The following MCF2L variants were observed in gnomAD, a reference collection of about 807,000 sequenced individuals.
MCF2L encodes MCF.2 cell line derived transforming sequence like.
Under a neutral mutation model 153.4 loss-of-function variants are expected in MCF2L, and 97 were observed. The observed-to-expected ratio is 0.63, with a 90% CI of 0.54 to 0.75. MCF2L has a LOEUF of 0.75. Ranked by LOEUF, MCF2L falls within the 30% of genes least tolerant of loss-of-function variation. MCF2L has a pLI of 0.00. For synonymous variants in MCF2L, 659 were observed against 632.2 expected, an observed-to-expected ratio of 1.04 and a Z score of -0.64; for missense variants, 1,347 against 1,495.2, an observed-to-expected ratio of 0.90 and a Z score of 1.64.
chr13:113,096,950 C>T lies in MCF2L; in HGVS notation c.*91C>T. On this transcript the variant is annotated 3_prime_UTR_variant, in exon 30 of 30. Transcript: ENST00000535094. ...CCCGGACGCCCCGAGGAAGGGGCAC[C>T]TCACCGCCCCCACCCAGAGCGCCTG... 1 of 923,958 alleles carries T rather than the reference C, an allele frequency of 1.1e-6. No individual in the cohort carries two copies. Among genetic ancestry groups the T allele is most frequent in the Non-Finnish European group, 1.5e-6 (1 of 688,208 alleles). 57.2% of individuals were successfully genotyped at this position (923,958 alleles called of 1,614,324 possible).
Position 113,010,719 on chromosome 13 carries a change from G to A in MCF2L, c.80-4044G>A, listed in dbSNP as rs532179104. On this transcript the variant is annotated intron_variant, in intron 1 of 29. Coordinates refer to ENST00000535094, the MANE Select transcript of MCF2L (RefSeq NM_001112732.3). The stretch of plus-strand genomic sequence containing the variant: ...GCCCTAACCCTCCCCTCTCAGACCT[G>A]CCTCTGAGCAGTGGGGTCATCACTG... Among the ~76,000 whole-genome samples the A allele has an allele frequency of 1.4e-3, 214 of 151,818 alleles. 1 individual carries two copies. The highest frequency in any genetic ancestry group is 2.4e-3 in the Non-Finnish European group (161 of 68,014).
intron 3 of MCF2L, chr13:113,044,841 C>T (rs1566790888): frequency 1.9e-6 from 3 of 1,612,926 alleles, no homozygotes; most frequent in Non-Finnish European, 2.5e-6. Context: ...CGAGTGAATC[C>T]TTAACGTGGA....
Position 113,025,526 on chromosome 13 carries a change from C to T in MCF2L, c.278+768C>T, listed in dbSNP as rs111247839. 2.2e-4 allele frequency among the ~76,000 whole-genome samples: 6 copies of T among 27,546 alleles called. 1 individual carries two copies. Among genetic ancestry groups the T allele is most frequent in the Admixed American group, 3.5e-4 (1 of 2,850 alleles). The allele number at this position is 27,546 out of a possible 152,430, so 18.1% of individuals were successfully genotyped here. A position where few individuals can be genotyped will look rare whatever the true frequency, so the allele number is the denominator to read the frequency against. On this transcript the variant is annotated intron_variant, in intron 3 of 29. Coordinates refer to ENST00000535094, the MANE Select transcript of MCF2L (RefSeq NM_001112732.3). ...CAGAGTCTCTGTGAGGTTTCATCAT[C>T]GTGGGGTCCCCGTGACTGTGGGTTG... is the stretch of plus-strand genomic sequence containing the variant.
intron 4 of MCF2L, among the ~76,000 whole-genome samples, chr13:113,050,187 T>C (rs9577446): frequency 2.0e-5 from 3 of 151,650 alleles, no homozygotes; most frequent in East Asian, 1.9e-4. Context: ...TGTGTGTGTG[T>C]GCGAGCGAGT....
intron 16 of MCF2L, among the ~76,000 whole-genome samples, chr13:113,081,854 C>G (rs61966407): frequency 6.6e-6 from 1 of 151,636 alleles, no homozygotes; most frequent in Non-Finnish European, 1.5e-5. Flanking sequence ...CAAGTGTAGA[C>G]GGGTGTCTGA....
At chr13:112,940,268 T>A (rs2140663351) in intron 2 of MCF2L, among the ~76,000 whole-genome samples, 1 of 152,382 alleles carries the variant, frequency 6.6e-6, no homozygotes, top group Non-Finnish European at 1.5e-5. Context: ...ACTGGTTTAT[T>A]TGGACACCGC....
Position 112,987,697 on chromosome 13 carries a change from G to A in MCF2L, c.79+18239G>A, listed in dbSNP as rs188485547. Among the ~76,000 whole-genome samples, 32 of 152,350 alleles carry A rather than the reference G, an allele frequency of 2.1e-4. 2 individuals are homozygous for A. In the East Asian group the frequency reaches 6.2e-3, roughly 29 times the overall value. On this transcript the variant is annotated intron_variant, in intron 1 of 29. Coordinates refer to ENST00000535094, the MANE Select transcript of MCF2L (RefSeq NM_001112732.3). ...ACGGTGGTGAGAGGGTTGGGCGTTG[G>A]GCTCCCTCGCCCCCATCCGGCCTCT...
chr13:112,964,231 C>T (rs1465825143), upstream of MCF2L, among the ~76,000 whole-genome samples: 3 of 152,240 alleles, frequency 2.0e-5, no homozygotes, highest in South Asian at 2.1e-4. Flanking sequence ...CAGTTGCCCA[C>T]GTTGATGTCA....
In MCF2L at chr13:112,943,817, G is replaced by A. The variant is rs1054266814; in HGVS notation, c.169+41446G>A. On this transcript the variant is annotated intron_variant, in intron 2 of 29. Transcript: ENST00000375608. This position sits in a 1 kb window ranked among gnomAD's most constrained non-coding sequence, Gnocchi z 4.2. ...TTCAGGCGGACCGGAAGGACCTGGC[G>A]GGAGGCGTAGTAGGCGGGGTGAGGG... Among the ~76,000 whole-genome samples, 7 of 152,106 alleles carry A rather than the reference G, an allele frequency of 4.6e-5. No homozygotes were observed. The highest frequency in any genetic ancestry group is 1.7e-4 in the African/African-American group (7 of 41,446).
chr13:113,047,609 T>C (rs1566796255), intron 4 of MCF2L, among the ~76,000 whole-genome samples: 3 of 152,268 alleles, frequency 2.0e-5, no homozygotes, highest in Non-Finnish European at 4.4e-5. Flanking sequence ...AGGACGACTC[T>C]TAGCAACACG....
Position 113,003,690 on chromosome 13 carries a change from C to T in MCF2L, c.80-11073C>T, listed in dbSNP as rs375889706. 2.0e-5 allele frequency among the ~76,000 whole-genome samples: 3 copies of T among 152,302 alleles called. No homozygotes were observed. In the East Asian group the frequency reaches 5.8e-4, roughly 29 times the overall value. ...CCGTGATCAGACCCGGGACCTGCTC[C>T]AGGCTCTGTTTTAGTGTCTCACGTC... On this transcript the variant is annotated intron_variant, in intron 1 of 29. Transcript: ENST00000535094.
chr13:112,949,849 C>A (rs2081674145), intron 2 of MCF2L, among the ~76,000 whole-genome samples: 1 of 152,118 alleles, frequency 6.6e-6, no homozygotes, highest in Non-Finnish European at 1.5e-5. Flanking sequence ...GTAAGGTTGT[C>A]TGCCTTCATC....
chr13:113,076,443 T>TG, intron 12 of MCF2L, among the ~76,000 whole-genome samples: 1 of 152,050 alleles, frequency 6.6e-6, no homozygotes. Context: ...TTTTGTATTT[T>TG]TATTAGAGAC....
intron 2 of MCF2L, among the ~76,000 whole-genome samples, chr13:112,915,237 ATC>A (rs2081278821): frequency 6.6e-6 from 1 of 151,446 alleles, no homozygotes; most frequent in Admixed American, 6.6e-5. Flanking sequence ...GTGAAATCCT[ATC>A]TCTACTAAAA....
intron 4 of MCF2L, among the ~76,000 whole-genome samples, chr13:113,057,718 C>CTGAG (rs2030409633): frequency 8.8e-6 from 1 of 113,296 alleles, no homozygotes; most frequent in African/African-American, 3.5e-5. Context: ...TGTTTTGGCA[C>CTGAG]TGTTTGGGTG....
rs534054748 is a variant in MCF2L at position 112,960,368 on chromosome 13, T to C, written c.170-54395T>C. Among the ~76,000 whole-genome samples, 9 of 152,304 alleles carry C rather than the reference T, an allele frequency of 5.9e-5. No homozygotes were observed. The East Asian group carries it at 1.5e-3, about 26-fold the overall frequency. ...GTCCTCAGACCTGGTCACCTCTTCTTAGGCCCCATGTCCCAGCACGGCGGC... is the reference window on the plus strand; with the variant it reads ...GTCCTCAGACCTGGTCACCTCTTCTCAGGCCCCATGTCCCAGCACGGCGGC... On this transcript the variant is annotated intron_variant, in intron 2 of 29. Transcript: ENST00000375608. The surrounding 1 kb of genome is among the most constrained non-coding windows in gnomAD (Gnocchi z 4.2).
Position 112,943,392 on chromosome 13 carries a change from C to T in MCF2L, c.169+41021C>T, listed in dbSNP as rs964374752. On this transcript the variant is annotated intron_variant, in intron 2 of 29. Coordinates refer to the MCF2L transcript ENST00000375608. This position sits in a 1 kb window ranked among gnomAD's most constrained non-coding sequence, Gnocchi z 4.2. ...GCGGCGGCTCCCAGCTCCCGGTCCC[C>T]GGCTCCGCGCCGCAGGCGTGAACGC... 5.4e-5 allele frequency among the ~76,000 whole-genome samples: 8 copies of T among 149,428 alleles called. No homozygotes were observed. Among genetic ancestry groups the T allele is most frequent in the African/African-American group, 1.7e-4 (7 of 40,152 alleles).
rs569263662 is a variant in MCF2L, at chr13:113,053,265, C to T, written c.370-7328C>T. On this transcript the variant is annotated intron_variant, in intron 4 of 29. Transcript: ENST00000535094. The surrounding 1 kb of genome is among the most constrained non-coding windows in gnomAD (Gnocchi z 4.4). ...CAGGTCCAGTGAAGGACGGCGCCCC[C>T]GTCAGCTGTCCACCCTTCTCAGTCG... Among the ~76,000 whole-genome samples the T allele has an allele frequency of 2.2e-4, 34 of 152,346 alleles. No homozygotes were observed. The highest frequency in any genetic ancestry group is 7.5e-4 in the African/African-American group (31 of 41,582).
At chr13:112,947,703 C>T (rs985389300) in intron 2 of MCF2L, among the ~76,000 whole-genome samples, 3 of 152,196 alleles carry the variant, frequency 2.0e-5, no homozygotes, top group African/African-American at 7.2e-5. Context: ...GCAGCCCTGC[C>T]CCCAGGGGTT....
Sources: allele counts gnomAD v4.1 joint callset (sites outside exome capture counted in the v4.1 genomes callset), GRCh38; gene constraint gnomAD v4.1.1; non-coding constraint Gnocchi (gnomAD v3.1); transcripts MANE v1.5; gene names NCBI Gene and HGNC (gene_info 2026-07-23, HGNC 2026-07-21).